The following PRKG1 variants were observed in gnomAD, a reference collection of about 807,000 sequenced individuals.
PRKG1 encodes protein kinase cGMP-dependent 1.
PRKG1 carries 35 observed loss-of-function variants against 88.1 expected under a neutral mutation model. That is an observed-to-expected ratio of 0.40 (90% confidence interval 0.30 to 0.53). The LOEUF (loss-of-function observed/expected upper bound fraction) is 0.53. Ranked by LOEUF, PRKG1 falls within the 20% of genes least tolerant of loss-of-function variation. PRKG1 has a pLI of 0.59. For missense variants in PRKG1, 540 were observed against 839.8 expected (o/e 0.64, Z 4.41); for synonymous variants, 303 against 292.5 (o/e 1.04, Z -0.37).
At chr10:51,940,256 A>T (rs751577299) in intron 5 of PRKG1, among the ~76,000 whole-genome samples, 80 of 151,450 alleles carry the variant, frequency 5.3e-4, no homozygotes, top group Non-Finnish European at 1.0e-3. Context: ...TTTCAGGAAA[A>T]CCCTTCTCTT....
intron 14 of PRKG1, among the ~76,000 whole-genome samples, chr10:52,286,375 T>C (rs1201091983): frequency 6.6e-6 from 1 of 152,002 alleles, no homozygotes; most frequent in Non-Finnish European, 1.5e-5. Context: ...ACACGACATA[T>C]AAAGTGTGGA....
chr10:51,263,287 A>G (rs958634095), intron 2 of PRKG1, among the ~76,000 whole-genome samples: 2 of 152,170 alleles, frequency 1.3e-5, no homozygotes, highest in African/African-American at 2.4e-5. Context: ...CTTGATTTTC[A>G]AGTCTCTTTG....
chr10:51,005,432 A>G (rs147095048), intron 1 of PRKG1, among the ~76,000 whole-genome samples: 3 of 152,318 alleles, frequency 2.0e-5, no homozygotes, highest in South Asian at 2.1e-4. Flanking sequence ...AAAATGACAA[A>G]TCAAGCAAAT....
chr10:51,336,509 G>GC (rs756856135), intron 2 of PRKG1, among the ~76,000 whole-genome samples: 4 of 152,060 alleles, frequency 2.6e-5, no homozygotes, highest in African/African-American at 9.7e-5. Context: ...CCCTCTTATG[G>GC]CACACACTGC....
rs191423113 is a variant in PRKG1, at chr10:51,097,745, G to A, written c.311+22844G>A. ...TTTAATGCAGATTACCCTCCTGATA[G>A]ACATAGAACTTCAGTTGAATTTTAC... On this transcript the variant is annotated intron_variant, in intron 1 of 17. Transcript: ENST00000373980. 1.6e-3 allele frequency among the ~76,000 whole-genome samples: 237 copies of A among 152,226 alleles called. 1 individual carries two copies. The highest frequency in any genetic ancestry group is 2.1e-3 in the Non-Finnish European group (141 of 67,998).
At chr10:51,509,289 A>G (rs1396764780) in intron 3 of PRKG1, among the ~76,000 whole-genome samples, 6 of 152,204 alleles carry the variant, frequency 3.9e-5, no homozygotes, top group Non-Finnish European at 7.4e-5. Context: ...TTCAGCTGAT[A>G]AGACCTACCA....
chr10:52,115,193 A>G (rs757703090), intron 7 of PRKG1, among the ~76,000 whole-genome samples: 2 of 152,136 alleles, frequency 1.3e-5, no homozygotes, highest in Non-Finnish European at 2.9e-5. Context: ...AAAACAAAAT[A>G]ATAGACCCAA....
At chr10:51,401,151 T>A (rs573858670) in intron 2 of PRKG1, among the ~76,000 whole-genome samples, 246 of 152,350 alleles carry the variant, frequency 1.6e-3, no homozygotes, top group African/African-American at 4.8e-3. Context: ...ATTTTAACAA[T>A]ATATTTTAAC....
chr10:51,274,907 G>A (rs1343845589), intron 2 of PRKG1, among the ~76,000 whole-genome samples: 1 of 152,202 alleles, frequency 6.6e-6, no homozygotes, highest in Non-Finnish European at 1.5e-5. Context: ...AGTTGTCTCT[G>A]CCACAACAAG....
intron 3 of PRKG1, among the ~76,000 whole-genome samples, chr10:51,649,285 G>A (rs1922140): frequency 0.52 from 78,634 of 151,964 alleles, 22,101 homozygotes; most frequent in East Asian, 0.72. Flanking sequence ...TTAAAGAGAA[G>A]AAATAATCAC....
intron 3 of PRKG1, among the ~76,000 whole-genome samples, chr10:51,740,652 T>C (rs1455254967): frequency 3.9e-5 from 6 of 152,106 alleles, no homozygotes; most frequent in African/African-American, 1.2e-4. Context: ...AAATAATGTT[T>C]TATGGTTGTT....
intron 2 of PRKG1, among the ~76,000 whole-genome samples, chr10:51,195,623 T>C (rs1445344352): frequency 6.6e-6 from 1 of 152,164 alleles, no homozygotes; most frequent in African/African-American, 2.4e-5. Flanking sequence ...GATAAGATTG[T>C]TTTAATACTG....
intron 1 of PRKG1, among the ~76,000 whole-genome samples, chr10:51,104,969 G>T (rs1026538330): frequency 1.3e-5 from 2 of 152,046 alleles, no homozygotes; most frequent in African/African-American, 4.8e-5. Flanking sequence ...CACCTCAAGT[G>T]ATCACCCACC....
chr10:51,862,592 G>T (rs768241904), intron 4 of PRKG1, among the ~76,000 whole-genome samples: 30 of 152,124 alleles, frequency 2.0e-4, no homozygotes, highest in Non-Finnish European at 3.2e-4. Context: ...AGTGCATGAT[G>T]ATTGGTCCAT....
At chr10:51,822,148 T>C (rs912733883) in intron 4 of PRKG1, among the ~76,000 whole-genome samples, 4 of 152,036 alleles carry the variant, frequency 2.6e-5, no homozygotes, top group Non-Finnish European at 5.9e-5. Flanking sequence ...ATGTCATATG[T>C]ATATATGTAT....
intron 2 of PRKG1, among the ~76,000 whole-genome samples, chr10:51,326,349 G>T (rs1841592347): frequency 6.6e-6 from 1 of 152,188 alleles, no homozygotes; most frequent in African/African-American, 2.4e-5. Flanking sequence ...CGGAGTTATA[G>T]GTTTATCAGC....
chr10:52,273,877 T>C (rs894808091), intron 12 of PRKG1, among the ~76,000 whole-genome samples: 1 of 152,106 alleles, frequency 6.6e-6, no homozygotes, highest in African/African-American at 2.4e-5. Flanking sequence ...ACAAAACAGA[T>C]GGGGTCTCTC....
intron 2 of PRKG1, among the ~76,000 whole-genome samples, chr10:51,374,593 C>T (rs1842781112): frequency 6.6e-6 from 1 of 152,040 alleles, no homozygotes; most frequent in Non-Finnish European, 1.5e-5. Context: ...GCCCCTTCAC[C>T]TTGTATCTTG....
At chr10:51,560,534 C>T (rs1366909314) in intron 3 of PRKG1, among the ~76,000 whole-genome samples, 3 of 152,060 alleles carry the variant, frequency 2.0e-5, no homozygotes, top group South Asian at 2.1e-4. Flanking sequence ...TTAAAATTTA[C>T]AGAAAAGTTG....
Sources: allele counts gnomAD v4.1 joint callset (sites outside exome capture counted in the v4.1 genomes callset), GRCh38; gene constraint gnomAD v4.1.1; transcripts MANE v1.5; gene names NCBI Gene and HGNC (gene_info 2026-07-23, HGNC 2026-07-21).